Variants in BMPER observed in about 807,000 individuals in gnomAD.
BMPER encodes BMP binding endothelial regulator, also known as BMP-binding endothelial regulator protein.
Under a neutral mutation model 87.3 loss-of-function variants are expected in BMPER, and 45 were observed. The observed-to-expected ratio is 0.52, with a 90% CI of 0.41 to 0.66. The LOEUF is 0.66. Ranked by LOEUF, BMPER falls within the 30% of genes least tolerant of loss-of-function variation. BMPER has a pLI of 0.00. For synonymous variants in BMPER, 326 were observed against 316.2 expected (o/e 1.03, Z -0.33); for missense variants, 784 against 867.5 (o/e 0.90, Z 1.21).
intron 6 of BMPER, among the ~76,000 whole-genome samples, chr7:34,002,869 A>G (rs1349261637): frequency 6.6e-6 from 1 of 151,434 alleles, no homozygotes. Flanking sequence ...TCTTTCTTCT[A>G]TCCTTTTACT....
At chr7:33,990,524 A>G (rs1401730419) in intron 6 of BMPER, among the ~76,000 whole-genome samples, 8 of 149,614 alleles carry the variant, frequency 5.3e-5, no homozygotes, top group East Asian at 2.0e-4. Context: ...GGCTGAGACA[A>G]TGGGGTTTTC....
chr7:34,143,716 G>A (rs1478823950), intron 14 of BMPER, among the ~76,000 whole-genome samples: 9 of 152,110 alleles, frequency 5.9e-5, no homozygotes, highest in Non-Finnish European at 1.3e-4. Context: ...GACAATTACA[G>A]TCATTTAAGG....
At chr7:33,942,090 C>T (rs377260180) in intron 3 of BMPER, among the ~76,000 whole-genome samples, 24 of 152,028 alleles carry the variant, frequency 1.6e-4, no homozygotes, top group Admixed American at 3.9e-4. Flanking sequence ...TAGTATTATT[C>T]GTGGATGACC....
At chr7:34,146,054 TAC>T (rs946832036) in intron 14 of BMPER, among the ~76,000 whole-genome samples, 6 of 151,732 alleles carry the variant, frequency 4.0e-5, no homozygotes, top group Admixed American at 1.3e-4. Flanking sequence ...CACACACACA[TAC>T]ACACACGCAC....
At chr7:34,051,756 G>A (rs567783945) in intron 7 of BMPER, 105 bp from the exon 8 acceptor site, 14 of 974,696 alleles carry the variant, frequency 1.4e-5, no homozygotes, top group South Asian at 5.3e-5. Context: ...CCAGACTTAC[G>A]TGGTCTTATA....
intron 6 of BMPER, among the ~76,000 whole-genome samples, chr7:34,013,184 C>G (rs973844820): frequency 2.6e-5 from 4 of 151,750 alleles, no homozygotes; most frequent in African/African-American, 9.7e-5. Flanking sequence ...TCATACTCCA[C>G]TAGCCCTGTT....
intron 10 of BMPER, among the ~76,000 whole-genome samples, chr7:34,058,892 T>C (rs919495371): frequency 1.3e-4 from 20 of 152,338 alleles, no homozygotes; most frequent in Admixed American, 7.2e-4. Flanking sequence ...TTCTCTGTTA[T>C]AGACAGCTTT....
At chr7:34,092,536 CT>C (rs1562738570) in intron 13 of BMPER, among the ~76,000 whole-genome samples, 1 of 152,190 alleles carries the variant, frequency 6.6e-6, no homozygotes, top group East Asian at 1.9e-4. Context: ...AGCAATTTGC[CT>C]AATAGTCGCA....
chr7:34,076,782 A>C (rs1157955613), intron 11 of BMPER, among the ~76,000 whole-genome samples: 3 of 152,120 alleles, frequency 2.0e-5, no homozygotes, highest in African/African-American at 7.2e-5. Context: ...GAAGATTGCC[A>C]CAGGAGAGTG....
chr7:34,104,503 A>G (rs1789768812), intron 13 of BMPER, among the ~76,000 whole-genome samples: 1 of 152,166 alleles, frequency 6.6e-6, no homozygotes, highest in Non-Finnish European at 1.5e-5. Flanking sequence ...TTGTTGAACA[A>G]TGTTCATGGG....
chr7:34,076,425 C>T (rs1448689744), intron 11 of BMPER, among the ~76,000 whole-genome samples: 3 of 151,980 alleles, frequency 2.0e-5, no homozygotes, highest in Non-Finnish European at 2.9e-5. Context: ...TATGTTTTGG[C>T]GGGGGTTGTG....
At chr7:33,961,840 G>A (rs2128616537) in intron 3 of BMPER, among the ~76,000 whole-genome samples, 1 of 152,268 alleles carries the variant, frequency 6.6e-6, no homozygotes, top group South Asian at 2.1e-4. Flanking sequence ...CCCAGGCAAT[G>A]ACATGGAGTT....
chr7:34,010,493 T>C (rs1786849142), intron 6 of BMPER, among the ~76,000 whole-genome samples: 1 of 151,942 alleles, frequency 6.6e-6, no homozygotes. Flanking sequence ...TATATGCAAC[T>C]TTGTCATTAA....
chr7:34,141,032 T>C (rs1414194443), intron 13 of BMPER, among the ~76,000 whole-genome samples: 1 of 151,718 alleles, frequency 6.6e-6, no homozygotes, highest in Non-Finnish European at 1.5e-5. Context: ...GGATTACAGG[T>C]TAGAACCTGG....
chr7:34,072,122 A>G (rs1788750725), intron 11 of BMPER, among the ~76,000 whole-genome samples: 2 of 152,358 alleles, frequency 1.3e-5, no homozygotes, highest in African/African-American at 2.4e-5. Flanking sequence ...AAATTAGGGT[A>G]TGAATATACA....
intron 13 of BMPER, among the ~76,000 whole-genome samples, chr7:34,113,935 G>A (rs1790046571): frequency 6.6e-6 from 1 of 152,108 alleles, no homozygotes; most frequent in Non-Finnish European, 1.5e-5. Context: ...TCTTCCAGTG[G>A]TTTTAAGTAC....
chr7:34,116,817 C>T (rs969237295), intron 13 of BMPER, among the ~76,000 whole-genome samples: 1 of 151,994 alleles, frequency 6.6e-6, no homozygotes, highest in African/African-American at 2.4e-5. Context: ...TGGCAAAATT[C>T]CGTCTCTACT....
chr7:33,910,038 A>G (rs959475372), intron 2 of BMPER, among the ~76,000 whole-genome samples: 5 of 152,182 alleles, frequency 3.3e-5, no homozygotes, highest in Non-Finnish European at 5.9e-5. Flanking sequence ...TGGTGATGGA[A>G]TCTCGTTTTA....
In BMPER at chr7:34,055,257, C is replaced by A. The variant is rs1788252114; in HGVS notation, c.881C>A (p.Pro294His). 2 of 1,613,948 alleles carry A rather than the reference C, an allele frequency of 1.2e-6. No homozygotes were observed. Among genetic ancestry groups the A allele is most frequent in the Non-Finnish European group, 1.7e-6 (2 of 1,180,012 alleles). Reference protein sequence around the residue: ...GCCEECLLRVPPEDIKVCKFG... With the variant: ...GCCEECLLRVHPEDIKVCKFG... ...TGTGAAGAGTGCCTCCTACGAGTGC[C>A]CCCAGAAGACATCAAAGTATGCAAA... Residue 294 changes from proline to histidine, a missense_variant, in exon 9 of 15, where the codon CCC becomes CAC. Pro to His is a moderately conservative substitution (Grantham distance 77, BLOSUM62 -2). Coordinates refer to ENST00000649409, the MANE Select transcript of BMPER (RefSeq NM_001365308.1).
Sources: gnomAD v4.1 joint callset for allele counts (sites outside exome capture counted in the v4.1 genomes callset) on GRCh38, gnomAD v4.1.1 for gene constraint, MANE v1.5 for transcripts, NCBI Gene and HGNC (gene_info 2026-07-23, HGNC 2026-07-21) for gene names.